Variants in OPA1 observed in about 807,000 individuals in gnomAD.
OPA1 encodes the protein dynamin-like GTPase OPA1, mitochondrial.
Under a neutral mutation model 152.9 loss-of-function variants are expected in OPA1, and 59 were observed. The observed-to-expected ratio is 0.39, with a 90% CI of 0.31 to 0.48. The LOEUF is 0.48. OPA1 is among the 20% of genes least tolerant of loss of function. The pLI is 0.96. For missense variants in OPA1, 1,008 were observed against 1,216.8 expected, an observed-to-expected ratio of 0.83 and a Z score of 2.55; for synonymous variants, 400 against 389.9, an observed-to-expected ratio of 1.03 and a Z score of -0.31.
At chr3:193,629,443 A>AATC (rs1004004198) in intron 7 of OPA1, among the ~76,000 whole-genome samples, 1 of 151,934 alleles carries the variant, frequency 6.6e-6, no homozygotes, top group African/African-American at 2.4e-5. Flanking sequence ...TCACGCCTGT[A>AATC]ATCCCAGCAC....
At chr3:193,593,795 C>G (rs1725044732) in intron 1 of OPA1, among the ~76,000 whole-genome samples, 1 of 152,006 alleles carries the variant, frequency 6.6e-6, no homozygotes, top group Non-Finnish European at 1.5e-5. Flanking sequence ...AGTCACCTCT[C>G]TCCACATTTC....
At chr3:193,643,675 A>G (rs752858761) in intron 15 of OPA1, 48 bp downstream of exon 15, 1 of 1,475,254 alleles carries the variant, frequency 6.8e-7, no homozygotes, top group Admixed American at 1.7e-5. Flanking sequence ...TTTCTTCTTT[A>G]GCAATCCAAG....
chr3:193,645,221 C>T (rs2094623903), intron 16 of OPA1, among the ~76,000 whole-genome samples: 1 of 152,144 alleles, frequency 6.6e-6, no homozygotes, highest in African/African-American at 2.4e-5. Context: ...CCCATAATCT[C>T]ACCAACCTTT....
intron 29 of OPA1, chr3:193,668,301 C>A: frequency 3.9e-6 from 6 of 1,537,984 alleles, no homozygotes; most frequent in South Asian, 1.2e-5. Flanking sequence ...AAGATATGTC[C>A]TTTTCCATTG....
At chr3:193,658,740 T>G (rs1577303862) in intron 23 of OPA1, 147 bp from the exon 24 acceptor site, 1 of 640,998 alleles carries the variant, frequency 1.6e-6, no homozygotes, top group Non-Finnish European at 2.8e-6. Context: ...AAAAGAAGCT[T>G]ATGCATTTTT....
chr3:193,637,457 CT>C (rs1176317881), intron 10 of OPA1, among the ~76,000 whole-genome samples, 176 bp downstream of exon 10: 1 of 149,748 alleles, frequency 6.7e-6, no homozygotes, highest in African/African-American at 2.5e-5. Flanking sequence ...TATTATTTGA[CT>C]ATTTTAGTTC....
chr3:193,607,464 G>C (rs543787443), intron 1 of OPA1, among the ~76,000 whole-genome samples: 1 of 152,298 alleles, frequency 6.6e-6, no homozygotes, highest in East Asian at 1.9e-4. Context: ...AAGGGATCCA[G>C]TTTCAGCTTT....
chr3:193,675,383 C>T (rs1277639541), intron 29 of OPA1, among the ~76,000 whole-genome samples: 3 of 151,064 alleles, frequency 2.0e-5, no homozygotes, highest in African/African-American at 4.9e-5. Flanking sequence ...CAGGGTGTCC[C>T]GAAGAGAACG....
chr3:193,674,559 C>G (rs1443433249), intron 29 of OPA1, among the ~76,000 whole-genome samples: 1 of 152,116 alleles, frequency 6.6e-6, no homozygotes, highest in African/African-American at 2.4e-5. Flanking sequence ...AAATATAGTT[C>G]TAATTTATAG....
At chr3:193,633,777 GCC>G in intron 8 of OPA1, among the ~76,000 whole-genome samples, 1 of 152,094 alleles carries the variant, frequency 6.6e-6, no homozygotes. Context: ...CTCACTTCAG[GCC>G]AGCCACATTT....
intron 7 of OPA1, among the ~76,000 whole-genome samples, chr3:193,630,376 G>A (rs1731889707): frequency 6.6e-6 from 1 of 152,158 alleles, no homozygotes; most frequent in East Asian, 1.9e-4. Flanking sequence ...GAAAAAAAGA[G>A]TGTACCTTTT....
intron 7 of OPA1, 35 bp downstream of exon 7, chr3:193,626,237 C>T: frequency 2.1e-6 from 3 of 1,429,634 alleles, no homozygotes; most frequent in Middle Eastern, 1.8e-4. Context: ...CCGATACATT[C>T]ACACTAATCA....
At position 193,697,805 on chromosome 3, in the gene OPA1, A is replaced by G. The variant is rs1722379196; in HGVS notation, c.*3205A>G. The G allele has an allele frequency of 6.6e-6, 1 of 152,188 alleles. No individual in the cohort carries two copies. Among genetic ancestry groups the G allele is most frequent in the Non-Finnish European group, 1.5e-5 (1 of 68,032 alleles). The allele number at this position is 152,188 out of a possible 1,614,324, so 9.4% of individuals were successfully genotyped here. Reference sequence around the variant, plus strand: ...GTAAAATATATAAAAAAGGTTTTCTAATTTCACTTTGCTGCCAAGGCTGTC... The same window carrying G: ...GTAAAATATATAAAAAAGGTTTTCTGATTTCACTTTGCTGCCAAGGCTGTC... On this transcript the variant is annotated 3_prime_UTR_variant, in exon 31 of 31. Transcript: ENST00000361510.
At chr3:193,597,064 C>A (rs1725725196) in intron 1 of OPA1, 1 of 152,122 alleles carries the variant, frequency 6.6e-6, no homozygotes, top group Non-Finnish European at 1.5e-5. Context: ...GGGAACTTAA[C>A]TGTATTAGAC....
chr3:193,636,967 A>T (rs1444228073), intron 9 of OPA1, among the ~76,000 whole-genome samples: 1 of 152,196 alleles, frequency 6.6e-6, no homozygotes, highest in Non-Finnish European at 1.5e-5. Context: ...ATCCTGAATT[A>T]ATTTACTTTA....
chr3:193,642,568 A>G lies in OPA1; in HGVS notation c.1150-197A>G, dbSNP rs3816808. 3.9e-4 allele frequency among the ~76,000 whole-genome samples: 60 copies of G among 152,336 alleles called. No individual in the cohort carries two copies. The East Asian group carries it at 6.9e-3, about 18-fold the overall frequency. ...GGAAATCACAACATATATGACATATATACAAACAATACAAATACAAAATTA... is the reference window on the plus strand; with the variant it reads ...GGAAATCACAACATATATGACATATGTACAAACAATACAAATACAAAATTA... On this transcript the variant is annotated intron_variant, in intron 11 of 30. Coordinates refer to ENST00000361510, the MANE Select transcript of OPA1 (RefSeq NM_130837.3).
At chr3:193,641,202 A>G (rs1188508432) in intron 11 of OPA1, among the ~76,000 whole-genome samples, 1 of 152,118 alleles carries the variant, frequency 6.6e-6, no homozygotes, top group Non-Finnish European at 1.5e-5. Context: ...GAAGAAATTA[A>G]TTTTGTTTTG....
At chr3:193,682,987 G>GAAA (rs1201195978) in intron 29 of OPA1, among the ~76,000 whole-genome samples, 1 of 150,392 alleles carries the variant, frequency 6.6e-6, no homozygotes. Flanking sequence ...GGATTTAGGA[G>GAAA]AAAAAAAAAG....
chr3:193,684,891 GC>G (rs1324364149), intron 29 of OPA1, among the ~76,000 whole-genome samples: 1 of 152,056 alleles, frequency 6.6e-6, no homozygotes, highest in Non-Finnish European at 1.5e-5. Context: ...TCATACTGAA[GC>G]CTTTTGGGGA....
Sources: allele counts gnomAD v4.1 joint callset (sites outside exome capture counted in the v4.1 genomes callset), GRCh38; gene constraint gnomAD v4.1.1; transcripts MANE v1.5; gene names NCBI Gene and HGNC (gene_info 2026-07-23, HGNC 2026-07-21).